Variants in SNTB2 observed in about 807,000 individuals in gnomAD.
SNTB2 encodes syntrophin beta 2.
A neutral mutation model predicts 46.2 loss-of-function variants in SNTB2; 34 were observed. The ratio of observed to expected loss-of-function variants is 0.74; its 90% confidence interval spans 0.56 to 0.98. SNTB2 has a LOEUF of 0.98. Ranked by LOEUF, SNTB2 falls within the 50% of genes least tolerant of loss-of-function variation. The probability of loss-of-function intolerance (pLI) is 0.00; values close to 1 mark genes in which losing one functional copy is unlikely to be tolerated. For synonymous variants in SNTB2, 290 were observed against 312.6 expected, an observed-to-expected ratio of 0.93 and a Z score of 0.76; for missense variants, 603 against 731.4, an observed-to-expected ratio of 0.82 and a Z score of 2.02.
At chr16:69,253,954 T>A (rs146698853) in intron 2 of SNTB2, among the ~76,000 whole-genome samples, 1 of 152,262 alleles carries the variant, frequency 6.6e-6, no homozygotes, top group African/African-American at 2.4e-5. Flanking sequence ...ATGAACTGAT[T>A]CCTATCTGTA....
At chr16:69,256,655 C>T (rs553874142) in intron 2 of SNTB2, among the ~76,000 whole-genome samples, 1 of 152,196 alleles carries the variant, frequency 6.6e-6, no homozygotes, top group South Asian at 2.1e-4. Context: ...GGATTTCTTT[C>T]CTTATTAAGG....
chr16:69,306,027 A>G lies in SNTB2; in HGVS notation c.*5103A>G, dbSNP rs1965313378. The G allele has an allele frequency of 1.3e-5, 2 of 152,336 alleles. No individual in the cohort carries two copies. The highest frequency in any genetic ancestry group is 2.1e-4 in the South Asian group (1 of 4,832). The allele number at this position is 152,336 out of a possible 1,614,324, so 9.4% of individuals were successfully genotyped here. On this transcript the variant is annotated 3_prime_UTR_variant, in exon 7 of 7. Transcript: ENST00000336278. ...TATCAGGGTTCTGTATTTTTGAGCA[A>G]TATCATTATTCCTATGCTGTGATGT...
chr16:69,297,853 G>T (rs1965242819), intron 5 of SNTB2, among the ~76,000 whole-genome samples: 1 of 152,098 alleles, frequency 6.6e-6, no homozygotes, highest in Admixed American at 6.6e-5. Context: ...GGGTGAGGTT[G>T]CAATGAACCG....
At chr16:69,205,282 T>C (rs905540280) in intron 1 of SNTB2, among the ~76,000 whole-genome samples, 2 of 151,214 alleles carry the variant, frequency 1.3e-5, no homozygotes, top group African/African-American at 2.4e-5. Flanking sequence ...TCCAAGTAGC[T>C]AGGACTACAG....
rs1221569805 is a variant in SNTB2, at chr16:69,279,867, TA to T, written c.1149-4179del. On this transcript the variant is annotated intron_variant, in intron 4 of 6. Coordinates refer to ENST00000336278, the MANE Select transcript of SNTB2 (RefSeq NM_006750.4). ...TTTTTTAATTAATTAATTAATTAAT[TA>T]ATTTATTTATTTATTGATCATTCTT... Among the ~76,000 whole-genome samples, 201 of 150,162 alleles carry T rather than the reference TA, an allele frequency of 1.3e-3. 1 individual carries two copies. Among genetic ancestry groups the T allele is most frequent in the Admixed American group, 6.3e-3 (95 of 15,114 alleles).
intron 5 of SNTB2, among the ~76,000 whole-genome samples, chr16:69,292,407 T>TTA (rs1175384373): frequency 8.0e-5 from 1 of 12,470 alleles, no homozygotes; most frequent in African/African-American, 5.5e-4. Context: ...TATATATATA[T>TTA]TATATATATA....
At chr16:69,259,191 T>A (rs1429939776) in intron 2 of SNTB2, among the ~76,000 whole-genome samples, 2 of 151,748 alleles carry the variant, frequency 1.3e-5, no homozygotes, top group Non-Finnish European at 1.5e-5. Flanking sequence ...TTTCTTTTTT[T>A]AATTTTTTCT....
At chr16:69,276,455 C>T (rs1366045302) in intron 4 of SNTB2, among the ~76,000 whole-genome samples, 4 of 152,202 alleles carry the variant, frequency 2.6e-5, no homozygotes, top group South Asian at 2.1e-4. Flanking sequence ...TTAGACTTTA[C>T]GTTTTTTAAT....
At chr16:69,188,440 G>A (rs1964016769) in intron 1 of SNTB2, among the ~76,000 whole-genome samples, 2 of 152,266 alleles carry the variant, frequency 1.3e-5, no homozygotes, top group Admixed American at 1.3e-4. Flanking sequence ...AGACTCTTGG[G>A]GTTTTTGTAA....
Position 69,187,683 on chromosome 16 carries a change from C to T in SNTB2, c.517C>T (p.Gln173Ter). ...ILSVNGTDLR[Q>*]ATHDQAVQAL... The stretch of plus-strand genomic sequence containing the variant: ...GTCGGTGAACGGCACCGACCTGCGC[C>T]AGGCCACCCACGACCAGGCCGTGCA... Residue 173 changes from glutamine to a stop codon, truncating the protein, a stop_gained, in exon 1 of 7, where the codon CAG becomes TAG. Transcript: ENST00000336278. LOFTEE classifies it high-confidence loss of function. The T allele has an allele frequency of 6.5e-7, 1 of 1,547,668 alleles. No homozygotes were observed. Among genetic ancestry groups the T allele is most frequent in the Non-Finnish European group, 8.7e-7 (1 of 1,154,658 alleles).
At chr16:69,246,842 G>C (rs2143045670) in intron 2 of SNTB2, among the ~76,000 whole-genome samples, 1 of 141,292 alleles carries the variant, frequency 7.1e-6, no homozygotes, top group East Asian at 2.1e-4. Flanking sequence ...GGTGGGAATT[G>C]AACAATGAGA....
chr16:69,201,081 G>C (rs1050028531), intron 1 of SNTB2, among the ~76,000 whole-genome samples: 1 of 152,122 alleles, frequency 6.6e-6, no homozygotes, highest in Middle Eastern at 3.2e-3. Context: ...GGGCCTCCAG[G>C]GGCCTGGTTT....
chr16:69,266,587 C>T (rs1964887329), intron 3 of SNTB2, among the ~76,000 whole-genome samples: 1 of 152,138 alleles, frequency 6.6e-6, no homozygotes, highest in Admixed American at 6.5e-5. Context: ...TTGGCATTAG[C>T]ATTTTTCCTT....
chr16:69,198,256 A>G lies in SNTB2; in HGVS notation c.580+10510A>G, dbSNP rs375038499. Among the ~76,000 whole-genome samples, 14 of 152,082 alleles carry G rather than the reference A, an allele frequency of 9.2e-5. No homozygotes were observed. The East Asian group carries it at 1.5e-3, about 17-fold the overall frequency. ...CCTGAGTAGCTGGGACTACAGTCCTACACCACCACGCCCAGCTAGTTTTTT... is the reference window on the plus strand; with the variant it reads ...CCTGAGTAGCTGGGACTACAGTCCTGCACCACCACGCCCAGCTAGTTTTTT... On this transcript the variant is annotated intron_variant, in intron 1 of 6. Transcript: ENST00000336278.
chr16:69,298,052 C>T (rs961355933), intron 5 of SNTB2, among the ~76,000 whole-genome samples: 14 of 152,178 alleles, frequency 9.2e-5, no homozygotes, highest in African/African-American at 3.1e-4. Context: ...GATCCTCCCA[C>T]CCCAGCCTCC....
At chr16:69,254,104 A>C (rs1286151802) in intron 2 of SNTB2, among the ~76,000 whole-genome samples, 1 of 152,090 alleles carries the variant, frequency 6.6e-6, no homozygotes, top group Non-Finnish European at 1.5e-5. Flanking sequence ...CCCTCTAGAA[A>C]ATAGTCAGCC....
intron 5 of SNTB2, among the ~76,000 whole-genome samples, chr16:69,291,229 C>G (rs1367978315): frequency 6.6e-6 from 1 of 152,128 alleles, no homozygotes; most frequent in African/African-American, 2.4e-5. Flanking sequence ...AAGACCTACT[C>G]CCTTCTGAGG....
rs992098503 is a variant in SNTB2, at chr16:69,244,126, G to A, written c.581-1476G>A. ...TGAGGACCTCAGAACAGTTAAGTGC[G>A]GTCACATAGCTTTGAATAGCAAGCA... is the stretch of plus-strand genomic sequence containing the variant. On this transcript the variant is annotated intron_variant, in intron 1 of 6. Coordinates refer to ENST00000336278, the MANE Select transcript of SNTB2 (RefSeq NM_006750.4). Among the ~76,000 whole-genome samples the A allele has an allele frequency of 2.6e-5, 4 of 152,022 alleles. No homozygotes were observed. In the East Asian group the frequency reaches 7.7e-4, roughly 29 times the overall value.
intron 1 of SNTB2, among the ~76,000 whole-genome samples, chr16:69,206,078 C>T (rs972691039): frequency 2.0e-5 from 3 of 152,176 alleles, no homozygotes; most frequent in African/African-American, 4.8e-5. Context: ...CTCACAGCAT[C>T]CTCTAACTCC....
Sources: gnomAD v4.1 joint callset for allele counts (sites outside exome capture counted in the v4.1 genomes callset) on GRCh38, gnomAD v4.1.1 for gene constraint, MANE v1.5 for transcripts, NCBI Gene and HGNC (gene_info 2026-07-23, HGNC 2026-07-21) for gene names.